Variants in F13A1 observed in about 807,000 individuals in gnomAD.
The protein encoded by F13A1 is FSF, A subunit.
F13A1 carries 47 observed loss-of-function variants against 80.1 expected under a neutral mutation model. The ratio of observed to expected loss-of-function variants is 0.59; its 90% CI spans 0.46 to 0.75. The LOEUF is 0.75. Among genes scored for constraint, F13A1 ranks in the 30% least tolerant of loss-of-function variants. The pLI, the probability that F13A1 is intolerant of heterozygous loss-of-function variation, is 0.00. For synonymous variants in F13A1, 349 were observed against 344.9 expected (o/e 1.01, Z -0.13); for missense variants, 817 against 930.4 (o/e 0.88, Z 1.59).
intron 13 of F13A1, among the ~76,000 whole-genome samples, chr6:6,155,007 C>A (rs1471975707): frequency 6.6e-6 from 1 of 152,174 alleles, no homozygotes; most frequent in Non-Finnish European, 1.5e-5. Flanking sequence ...ATAGTAGCTA[C>A]TGACCTTTCC....
chr6:6,145,509 G>T lies in F13A1; in HGVS notation c.*110C>A, dbSNP rs1760260923. The stretch of plus-strand genomic sequence containing the variant: ...CCACTCTGGAGCCCTCTGCAGTCCT[G>T]TCTGGGTCTTCACACCTAAGTCAAA... On this transcript the variant is annotated 3_prime_UTR_variant, in exon 15 of 15. Transcript: ENST00000264870. 10 of 1,406,724 alleles carry T rather than the reference G, an allele frequency of 7.1e-6. No individual in the cohort carries two copies. The highest frequency in any genetic ancestry group is 6.8e-5 in the Admixed American group (4 of 58,650). 87.1% of individuals were successfully genotyped at this position (1,406,724 alleles called of 1,614,324 possible). A position where few individuals can be genotyped will look rare whatever the true frequency, so the allele number is the denominator to read the frequency against.
At chr6:6,280,137 A>G (rs562813242) in intron 3 of F13A1, among the ~76,000 whole-genome samples, 1 of 152,360 alleles carries the variant, frequency 6.6e-6, no homozygotes, top group South Asian at 2.1e-4. Flanking sequence ...GTGGATATTT[A>G]CAATACATAC....
intron 6 of F13A1, among the ~76,000 whole-genome samples, chr6:6,229,104 T>A (rs145264907): frequency 0.012 from 1,757 of 152,274 alleles, 28 homozygotes; most frequent in Non-Finnish European, 0.017. Flanking sequence ...GAGATCAAAC[T>A]AACCTTAGAT....
chr6:6,309,864 T>C (rs907744237), intron 2 of F13A1, among the ~76,000 whole-genome samples: 4 of 152,102 alleles, frequency 2.6e-5, no homozygotes, highest in Non-Finnish European at 5.9e-5. Flanking sequence ...GGATTTGCCT[T>C]CTCTATTCCT....
At chr6:6,218,159 G>A (rs559680421) in intron 8 of F13A1, among the ~76,000 whole-genome samples, 2 of 152,288 alleles carry the variant, frequency 1.3e-5, no homozygotes, top group Non-Finnish European at 1.5e-5. Flanking sequence ...TAGAAGGAGC[G>A]AAGCCTTTCA....
intron 12 of F13A1, among the ~76,000 whole-genome samples, chr6:6,171,034 G>A (rs1760763509): frequency 6.6e-6 from 1 of 152,086 alleles, no homozygotes; most frequent in Non-Finnish European, 1.5e-5. Flanking sequence ...CGATGACTGA[G>A]AGAATGATAT....
Position 6,222,243 on chromosome 6 carries a change from T to C in F13A1, c.974-72A>G, listed in dbSNP as rs1757206065. 3.8e-6 allele frequency: 6 copies of C among 1,590,058 alleles called. No individual in the cohort carries two copies. The Admixed American group carries it at 6.7e-5, about 18-fold the overall frequency. On this transcript the variant is annotated intron_variant, in intron 7 of 14. Coordinates refer to ENST00000264870, the MANE Select transcript of F13A1 (RefSeq NM_000129.4). ...TAAACACAGAGTGAAAAAACCCTTC[T>C]TGTAGGGGACTTTCTTCCTGACCCA...
At chr6:6,165,287 A>G (rs1203267175) in intron 13 of F13A1, among the ~76,000 whole-genome samples, 1 of 152,184 alleles carries the variant, frequency 6.6e-6, no homozygotes, top group Non-Finnish European at 1.5e-5. Context: ...AACTTGTGGG[A>G]TAAGGTATTC....
intron 3 of F13A1, among the ~76,000 whole-genome samples, chr6:6,292,014 T>C (rs943216737): frequency 6.6e-6 from 1 of 152,130 alleles, no homozygotes; most frequent in African/African-American, 2.4e-5. Flanking sequence ...GTAGTAAGCA[T>C]TGTAAGTAGA....
At chr6:6,286,604 C>G (rs1758143304) in intron 3 of F13A1, among the ~76,000 whole-genome samples, 1 of 152,186 alleles carries the variant, frequency 6.6e-6, no homozygotes, top group Admixed American at 6.5e-5. Context: ...TTCACTGCTG[C>G]TAACATACTT....
At chr6:6,261,579 A>G (rs1038197170) in intron 4 of F13A1, among the ~76,000 whole-genome samples, 2 of 152,228 alleles carry the variant, frequency 1.3e-5, no homozygotes, top group East Asian at 1.9e-4. Context: ...TGGCTGAACA[A>G]GCCCTCCAGG....
chr6:6,239,149 C>T (rs1295084127), intron 6 of F13A1, among the ~76,000 whole-genome samples: 1 of 152,026 alleles, frequency 6.6e-6, no homozygotes, highest in African/African-American at 2.4e-5. Flanking sequence ...ATATACAATG[C>T]AATAAAATAC....
chr6:6,190,904 A>G (rs1179690798), intron 10 of F13A1, among the ~76,000 whole-genome samples: 5 of 152,084 alleles, frequency 3.3e-5, no homozygotes, highest in Admixed American at 2.0e-4. Context: ...CCTCCGAGCC[A>G]GGTGCGGGAT....
intron 3 of F13A1, among the ~76,000 whole-genome samples, chr6:6,277,727 C>T (rs1758007901): frequency 6.6e-6 from 1 of 152,196 alleles, no homozygotes; most frequent in South Asian, 2.1e-4. Context: ...CATTCCTGTC[C>T]CTGCTTCACC....
chr6:6,169,694 T>C (rs1194314092), intron 12 of F13A1, among the ~76,000 whole-genome samples: 3 of 152,156 alleles, frequency 2.0e-5, no homozygotes, highest in Non-Finnish European at 4.4e-5. Flanking sequence ...ACTACTGGAA[T>C]CTGGTGGATA....
rs377579663 is a variant in F13A1 at position 6,182,161 on chromosome 6, G to A, written c.1306-20C>T. On this transcript the variant is annotated intron_variant, in intron 10 of 14. Coordinates refer to ENST00000264870, the MANE Select transcript of F13A1 (RefSeq NM_000129.4). ...GTTGACCTGGAAACAGGAGAGGAGA[G>A]CATTAGCCATCATCACATGTCTGCT... 19 of 1,613,362 alleles carry A rather than the reference G, an allele frequency of 1.2e-5. No individual in the cohort carries two copies. The highest frequency in any genetic ancestry group is 3.3e-4 in the Middle Eastern group (2 of 6,084).
At chr6:6,318,731 A>T in intron 1 of F13A1, 49 bp from the exon 2 acceptor site, 1 of 1,580,768 alleles carries the variant, frequency 6.3e-7, no homozygotes. Flanking sequence ...ATGTAAAGTG[A>T]GTAACATTTG....
chr6:6,230,357 G>A (rs1475624645), intron 6 of F13A1, among the ~76,000 whole-genome samples: 1 of 152,062 alleles, frequency 6.6e-6, no homozygotes, highest in Non-Finnish European at 1.5e-5. Context: ...TGACTCAGCA[G>A]AGGCAGCCAT....
At chr6:6,274,747 G>A (rs1228643783) in intron 3 of F13A1, among the ~76,000 whole-genome samples, 1 of 152,228 alleles carries the variant, frequency 6.6e-6, no homozygotes, top group Non-Finnish European at 1.5e-5. Context: ...ACCCAGAGGA[G>A]GAAGTGGCTA....
Sources: gnomAD v4.1 joint callset for allele counts (sites outside exome capture counted in the v4.1 genomes callset) on GRCh38, gnomAD v4.1.1 for gene constraint, MANE v1.5 for transcripts, NCBI Gene and HGNC (gene_info 2026-07-23, HGNC 2026-07-21) for gene names.